The following INPP4B variants were observed in gnomAD, a reference collection of about 807,000 sequenced individuals.
INPP4B encodes inositol polyphosphate-4-phosphatase type II B.
INPP4B carries 55 observed loss-of-function variants against 122.5 expected under a neutral mutation model. The ratio of observed to expected loss-of-function variants is 0.45; its 90% confidence interval spans 0.36 to 0.56. The LOEUF is 0.56. Among genes scored for constraint, INPP4B ranks in the 20% least tolerant of loss-of-function variants. The pLI is 0.00. For synonymous variants in INPP4B, 403 were observed against 388.7 expected (o/e 1.04, Z -0.43); for missense variants, 1,000 against 1,097.7 (o/e 0.91, Z 1.26).
At chr4:142,045,716 C>T (rs1317895471) in intron 25 of INPP4B, among the ~76,000 whole-genome samples, 1 of 151,986 alleles carries the variant, frequency 6.6e-6, no homozygotes, top group African/African-American at 2.4e-5. Flanking sequence ...TTGGGAAATG[C>T]TGGGTTAGAA....
At chr4:142,576,072 A>G (rs1022557467) in intron 2 of INPP4B, among the ~76,000 whole-genome samples, 2 of 152,078 alleles carry the variant, frequency 1.3e-5, no homozygotes, top group African/African-American at 4.8e-5. Context: ...ATAGCCTACG[A>G]GTAACACAGC....
intron 1 of INPP4B, among the ~76,000 whole-genome samples, chr4:142,754,422 C>T (rs1351157233): frequency 6.6e-6 from 1 of 151,942 alleles, no homozygotes; most frequent in African/African-American, 2.4e-5. Context: ...GTGGTATATA[C>T]CTGCTTTTTC....
chr4:142,164,973 T>C (rs577436436), intron 16 of INPP4B, among the ~76,000 whole-genome samples: 2 of 151,870 alleles, frequency 1.3e-5, no homozygotes, highest in African/African-American at 4.8e-5. Context: ...CAAAATGTGG[T>C]AAGTCAGCCC....
intron 15 of INPP4B, among the ~76,000 whole-genome samples, chr4:142,181,839 A>C (rs1830920218): frequency 6.6e-6 from 1 of 152,222 alleles, no homozygotes; most frequent in African/African-American, 2.4e-5. Context: ...ACTACTAGGC[A>C]GAACGATTTT....
At chr4:142,369,448 T>G (rs1157539072) in intron 7 of INPP4B, among the ~76,000 whole-genome samples, 1 of 151,518 alleles carries the variant, frequency 6.6e-6, no homozygotes, top group African/African-American at 2.4e-5. Context: ...CGTGGTGGCA[T>G]GCCTGTAGTC....
intron 25 of INPP4B, among the ~76,000 whole-genome samples, chr4:142,057,080 T>C (rs1758092293): frequency 6.6e-6 from 1 of 151,802 alleles, no homozygotes; most frequent in African/African-American, 2.4e-5. Context: ...TGGTACTGTT[T>C]GTGATGGCAG....
chr4:142,537,091 G>A (rs1006877495), intron 2 of INPP4B, among the ~76,000 whole-genome samples: 5 of 151,996 alleles, frequency 3.3e-5, no homozygotes, highest in African/African-American at 1.2e-4. Flanking sequence ...CACTGCCCCC[G>A]GCCAGGACAA....
At chr4:142,721,435 T>C (rs1032574064) in intron 2 of INPP4B, among the ~76,000 whole-genome samples, 1 of 152,212 alleles carries the variant, frequency 6.6e-6, no homozygotes, top group Non-Finnish European at 1.5e-5. Context: ...CAGTAAGTGA[T>C]AAAATTAAGC....
chr4:142,033,881 T>C (rs941127680), intron 25 of INPP4B, among the ~76,000 whole-genome samples: 2 of 151,906 alleles, frequency 1.3e-5, no homozygotes, highest in African/African-American at 4.8e-5. Flanking sequence ...TGCCCAGGCT[T>C]TTCTCGAACT....
chr4:142,316,549 T>C (rs1483363945), intron 7 of INPP4B, among the ~76,000 whole-genome samples: 1 of 152,058 alleles, frequency 6.6e-6, no homozygotes, highest in Non-Finnish European at 1.5e-5. Flanking sequence ...ACTCACAACA[T>C]GCACCATATA....
intron 2 of INPP4B, among the ~76,000 whole-genome samples, chr4:142,512,686 T>A (rs1454836343): frequency 6.6e-6 from 1 of 152,188 alleles, no homozygotes; most frequent in Non-Finnish European, 1.5e-5. Flanking sequence ...ATCATCATCA[T>A]ACCATTATTG....
intron 2 of INPP4B, among the ~76,000 whole-genome samples, chr4:142,600,950 G>T (rs577190820): frequency 6.6e-6 from 1 of 151,896 alleles, no homozygotes; most frequent in Non-Finnish European, 1.5e-5. Flanking sequence ...AGGCAAAAAA[G>T]GGCATTATAT....
intron 9 of INPP4B, among the ~76,000 whole-genome samples, chr4:142,285,404 T>C (rs988035732): frequency 1.7e-5 from 1 of 57,516 alleles, no homozygotes; most frequent in Non-Finnish European, 2.8e-5. Context: ...GCCTCAGACA[T>C]GGTATATCTG....
At chr4:142,667,803 A>G (rs577738896) in intron 2 of INPP4B, among the ~76,000 whole-genome samples, 3 of 152,334 alleles carry the variant, frequency 2.0e-5, no homozygotes, top group African/African-American at 7.2e-5. Context: ...AGGATTGGGT[A>G]TAGAGGTGCA....
intron 25 of INPP4B, among the ~76,000 whole-genome samples, chr4:142,060,801 A>G (rs1760236727): frequency 6.6e-6 from 1 of 152,232 alleles, no homozygotes; most frequent in Non-Finnish European, 1.5e-5. Flanking sequence ...TAAAGTAGTT[A>G]GAAAAGTGCT....
intron 2 of INPP4B, among the ~76,000 whole-genome samples, chr4:142,463,317 C>T (rs1270652501): frequency 6.6e-6 from 1 of 152,164 alleles, no homozygotes; most frequent in Non-Finnish European, 1.5e-5. Context: ...TCACCCAGTG[C>T]CGCATGCTTA....
intron 9 of INPP4B, among the ~76,000 whole-genome samples, chr4:142,302,296 G>A (rs560008879): frequency 8.5e-4 from 129 of 152,206 alleles, no homozygotes; most frequent in Non-Finnish European, 1.4e-3. Flanking sequence ...GTCAAACGTG[G>A]AAGAAACCAT....
chr4:142,538,025 T>C (rs1482931685), intron 2 of INPP4B, among the ~76,000 whole-genome samples: 2 of 152,104 alleles, frequency 1.3e-5, no homozygotes, highest in Non-Finnish European at 2.9e-5. Context: ...AGAACTTTTA[T>C]ACCTTAAAAA....
chr4:142,167,209 G>T (rs114712602), intron 16 of INPP4B, among the ~76,000 whole-genome samples: 14,690 of 151,770 alleles, frequency 0.097, 1,044 homozygotes, highest in African/African-American at 0.2. Context: ...ATACTACACA[G>T]TTATAAAAAG....
Sources: gnomAD v4.1 joint callset for allele counts (sites outside exome capture counted in the v4.1 genomes callset) on GRCh38, gnomAD v4.1.1 for gene constraint, MANE v1.5 for transcripts, NCBI Gene and HGNC (gene_info 2026-07-23, HGNC 2026-07-21) for gene names.